The following PAK1 variants were observed in gnomAD, a reference collection of about 807,000 sequenced individuals.
PAK1 encodes the protein serine/threonine-protein kinase PAK 1.
In PAK1, 29 loss-of-function variants were observed where a neutral mutation model predicts 67.4. The observed-to-expected ratio is 0.43, with a 90% CI of 0.32 to 0.59. The LOEUF is 0.59. Ranked by LOEUF, PAK1 falls within the 20% of genes least tolerant of loss-of-function variation. The pLI is 0.07. For synonymous variants in PAK1, 223 were observed against 237.4 expected (o/e 0.94, Z 0.56); for missense variants, 337 against 670.7 (o/e 0.50, Z 5.50).
intron 7 of PAK1, among the ~76,000 whole-genome samples, chr11:77,354,142 G>T (rs970021191): frequency 6.6e-6 from 1 of 152,102 alleles, no homozygotes; most frequent in Non-Finnish European, 1.5e-5. Flanking sequence ...TAGAGAAGAG[G>T]TTTACAACAA....
chr11:77,453,946 G>C (rs990253278), intron 1 of PAK1, among the ~76,000 whole-genome samples: 9 of 152,156 alleles, frequency 5.9e-5, no homozygotes, highest in Non-Finnish European at 1.3e-4. Context: ...AACTGGGTAT[G>C]GTGGCACGTG....
the PAK1 span, among the ~76,000 whole-genome samples, chr11:77,506,095 C>T: frequency 3.3e-5 from 5 of 152,176 alleles, no homozygotes; most frequent in African/African-American, 9.7e-5. Context: ...ATTAGAGAGG[C>T]AATGATAACC....
chr11:77,517,128 T>A, the PAK1 span, among the ~76,000 whole-genome samples: 1 of 152,294 alleles, frequency 6.6e-6, no homozygotes, highest in African/African-American at 2.4e-5. Flanking sequence ...AGGGCTCAAA[T>A]AATTTAAGGA....
the PAK1 span, among the ~76,000 whole-genome samples, chr11:77,505,579 C>A: frequency 6.6e-6 from 1 of 152,196 alleles, no homozygotes; most frequent in African/African-American, 2.4e-5. Flanking sequence ...TCTCCCCATC[C>A]CTTGCCCTCG....
the PAK1 span, among the ~76,000 whole-genome samples, chr11:77,514,035 C>T: frequency 1.6e-4 from 25 of 152,190 alleles, no homozygotes; most frequent in South Asian, 5.0e-3. Context: ...TATAACTTTC[C>T]CAAGGTCAAA....
intron 14 of PAK1, among the ~76,000 whole-genome samples, chr11:77,332,321 A>G (rs1941746701): frequency 4.0e-4 from 1 of 2,492 alleles, no homozygotes. Context: ...GGGGCGTGAG[A>G]GGAAGGGGGA....
chr11:77,414,866 C>G (rs1954861454), intron 1 of PAK1, among the ~76,000 whole-genome samples: 2 of 152,034 alleles, frequency 1.3e-5, no homozygotes, highest in African/African-American at 2.4e-5. Flanking sequence ...GCCCCAAAAG[C>G]AAGATCCATG....
At chr11:77,441,327 A>C (rs1019019743) in intron 1 of PAK1, among the ~76,000 whole-genome samples, 1 of 152,214 alleles carries the variant, frequency 6.6e-6, no homozygotes, top group African/African-American at 2.4e-5. Context: ...CCCTTGGGCT[A>C]GTCCTTGCTC....
At chr11:77,482,058 G>A in the PAK1 span, among the ~76,000 whole-genome samples, 1 of 151,824 alleles carries the variant, frequency 6.6e-6, no homozygotes, top group East Asian at 1.9e-4. Context: ...GCACGATCTT[G>A]GCTCACTGCA....
chr11:77,364,823 C>T (rs748789040), intron 5 of PAK1, among the ~76,000 whole-genome samples: 7 of 152,026 alleles, frequency 4.6e-5, no homozygotes, highest in Admixed American at 6.5e-5. Context: ...AGCCTAACAA[C>T]GAGTGAAATT....
intron 1 of PAK1, among the ~76,000 whole-genome samples, chr11:77,445,004 C>T (rs937197116): frequency 2.0e-5 from 3 of 151,976 alleles, no homozygotes; most frequent in African/African-American, 7.3e-5. Context: ...ATCCTAACCA[C>T]CAATACCTTA....
intron 2 of PAK1, among the ~76,000 whole-genome samples, chr11:77,388,160 G>T (rs543718803): frequency 1.3e-5 from 2 of 152,290 alleles, no homozygotes; most frequent in South Asian, 2.1e-4. Flanking sequence ...ATGCAGTTTT[G>T]ATCTTGAGGC....
At chr11:77,526,899 G>A in the PAK1 span, among the ~76,000 whole-genome samples, 2 of 150,024 alleles carry the variant, frequency 1.3e-5, no homozygotes, top group Non-Finnish European at 3.0e-5. Context: ...CTAGGCGACA[G>A]AGTGAGACTC....
intron 1 of PAK1, among the ~76,000 whole-genome samples, chr11:77,456,799 T>G (rs543805046): frequency 6.6e-6 from 1 of 151,938 alleles, no homozygotes; most frequent in Non-Finnish European, 1.5e-5. Context: ...TGGGGTGCAG[T>G]GGCGTAATCT....
the PAK1 span, among the ~76,000 whole-genome samples, chr11:77,492,521 G>T: frequency 1.2e-3 from 174 of 150,730 alleles, 2 homozygotes; most frequent in Middle Eastern, 7.0e-3. Flanking sequence ...TTAAAAGATG[G>T]CATTTGAGCT....
At chr11:77,498,508 G>A in the PAK1 span, among the ~76,000 whole-genome samples, 2 of 151,702 alleles carry the variant, frequency 1.3e-5, no homozygotes, top group Admixed American at 6.6e-5. Flanking sequence ...ATGGTGCCAC[G>A]GCCCACCTCT....
At chr11:77,369,928 G>A (rs1005407171) in intron 5 of PAK1, among the ~76,000 whole-genome samples, 1 of 151,728 alleles carries the variant, frequency 6.6e-6, no homozygotes, top group Admixed American at 6.6e-5. Context: ...CCTTATCTTG[G>A]TTCCTCTCTT....
intron 5 of PAK1, among the ~76,000 whole-genome samples, chr11:77,371,089 G>A (rs1948368393): frequency 6.6e-6 from 1 of 152,154 alleles, no homozygotes. Context: ...GATCTTACTA[G>A]TCCTTGACTT....
At chr11:77,514,162 C>A in the PAK1 span, among the ~76,000 whole-genome samples, 1 of 152,246 alleles carries the variant, frequency 6.6e-6, no homozygotes, top group East Asian at 1.9e-4. Context: ...TCCTATGGCC[C>A]CTTTAAGCTT....
Sources: allele counts gnomAD v4.1 joint callset (sites outside exome capture counted in the v4.1 genomes callset), GRCh38; gene constraint gnomAD v4.1.1; transcripts MANE v1.5; gene names NCBI Gene and HGNC (gene_info 2026-07-23, HGNC 2026-07-21).